Variants in AGAP1 observed in about 807,000 individuals in gnomAD.
AGAP1 encodes ArfGAP with GTPase domain, ankyrin repeat and PH domain 1.
Under a neutral mutation model 105.3 loss-of-function variants are expected in AGAP1, and 29 were observed. The ratio of observed to expected loss-of-function variants is 0.28; its 90% CI spans 0.21 to 0.38. The LOEUF (loss-of-function observed/expected upper bound fraction) is 0.38. AGAP1 is among the 10% of genes least tolerant of loss of function. AGAP1 has a pLI of 1.00. For missense variants in AGAP1, 998 were observed against 1,165.1 expected, an observed-to-expected ratio of 0.86 and a Z score of 2.09; for synonymous variants, 509 against 485.9, an observed-to-expected ratio of 1.05 and a Z score of -0.63.
At position 236,051,182 on chromosome 2, in the gene AGAP1, C is replaced by T. The variant is rs771023277; in HGVS notation, c.2114+1901C>T. Among the ~76,000 whole-genome samples, 3 of 152,228 alleles carry T rather than the reference C, an allele frequency of 2.0e-5. No individual in the cohort carries two copies. Among genetic ancestry groups the T allele is most frequent in the Non-Finnish European group, 4.4e-5 (3 of 68,052 alleles). On this transcript the variant is annotated intron_variant, in intron 16 of 17. Coordinates refer to ENST00000304032, the MANE Select transcript of AGAP1 (RefSeq NM_001037131.3). This position sits in a 1 kb window ranked among gnomAD's most constrained non-coding sequence, Gnocchi z 5.9. ...GGTTCTGTGCTGTTGCTGAAGGTAA[C>T]TGTGGAATTTCTAAGTTCCCTTTGC...
In AGAP1 at chr2:235,901,621, C is replaced by A. The variant is rs2051069951; in HGVS notation, c.1156-7117C>A. 6.6e-6 allele frequency among the ~76,000 whole-genome samples: 1 copy of A among 152,156 alleles called. No homozygotes were observed. Among genetic ancestry groups the A allele is most frequent in the Non-Finnish European group, 1.5e-5 (1 of 68,030 alleles). On this transcript the variant is annotated intron_variant, in intron 10 of 17. Transcript: ENST00000304032. The surrounding 1 kb of genome is among the most constrained non-coding windows in gnomAD (Gnocchi z 4.3). ...ATGGGCCAGGTGTGGTGGCTCACAC[C>A]TGTAATCCCAGCACTTTGGGAGGCC...
Position 235,599,919 on chromosome 2 carries a change from A to C in AGAP1, c.163+105070A>C, listed in dbSNP as rs1276983657. Among the ~76,000 whole-genome samples the C allele has an allele frequency of 6.6e-6, 1 of 152,164 alleles. No individual in the cohort carries two copies. The highest frequency in any genetic ancestry group is 1.5e-5 in the Non-Finnish European group (1 of 68,042). ...GAGGAAAATAATTTCTGAGAAACTGACTCAGGGAAGTGCCTGTGTTCAGGG... is the reference window on the plus strand; with the variant it reads ...GAGGAAAATAATTTCTGAGAAACTGCCTCAGGGAAGTGCCTGTGTTCAGGG... On this transcript the variant is annotated intron_variant, in intron 1 of 17. Coordinates refer to ENST00000304032, the MANE Select transcript of AGAP1 (RefSeq NM_001037131.3). This position sits in a 1 kb window ranked among gnomAD's most constrained non-coding sequence, Gnocchi z 5.3.
In AGAP1 at chr2:235,539,403, G is replaced by A. The variant is rs554516838; in HGVS notation, c.163+44554G>A. 1.2e-4 allele frequency among the ~76,000 whole-genome samples: 19 copies of A among 152,324 alleles called. No homozygotes were observed. In the South Asian group the frequency reaches 3.7e-3, roughly 30 times the overall value. On this transcript the variant is annotated intron_variant, in intron 1 of 17. Transcript: ENST00000304032. ...CGCCCATTTTGAGGGAAGGGAATGG[G>A]CCATGGGTCTCATCCCTGCCTAGCG...
At chr2:235,912,483 G>A (rs1401337428) in intron 11 of AGAP1, among the ~76,000 whole-genome samples, 1 of 152,020 alleles carries the variant, frequency 6.6e-6, no homozygotes, top group Non-Finnish European at 1.5e-5. Flanking sequence ...TGAACTGGAG[G>A]GTTTTCTTTC....
intron 16 of AGAP1, among the ~76,000 whole-genome samples, chr2:236,111,537 A>G (rs2059641894): frequency 6.6e-6 from 1 of 151,846 alleles, no homozygotes; most frequent in Non-Finnish European, 1.5e-5. Context: ...ACTGTGTCTC[A>G]ACACTTGTAA....
In AGAP1 at chr2:236,042,980, G is replaced by C. The variant is rs2057599727; in HGVS notation, c.1891+2139G>C. 6.6e-6 allele frequency among the ~76,000 whole-genome samples: 1 copy of C among 152,204 alleles called. No homozygotes were observed. The highest frequency in any genetic ancestry group is 1.5e-5 in the Non-Finnish European group (1 of 68,050). On this transcript the variant is annotated intron_variant, in intron 15 of 17. Coordinates refer to ENST00000304032, the MANE Select transcript of AGAP1 (RefSeq NM_001037131.3). The surrounding 1 kb of genome is among the most constrained non-coding windows in gnomAD (Gnocchi z 5.6). ...AGGGGAGGAATTGAGGAGCCTGAAGGGTCAAGTCATTTGTCTGAGGTCACA... is the reference window on the plus strand; with the variant it reads ...AGGGGAGGAATTGAGGAGCCTGAAGCGTCAAGTCATTTGTCTGAGGTCACA...
In AGAP1 at chr2:236,104,528, C is replaced by T. The variant is rs941622043; in HGVS notation, c.2115-15664C>T. Among the ~76,000 whole-genome samples the T allele has an allele frequency of 6.6e-6, 1 of 152,234 alleles. No individual in the cohort carries two copies. The highest frequency in any genetic ancestry group is 2.4e-5 in the African/African-American group (1 of 41,460). ...GGCACAGGGCTGTGAGGGTCAGGAC[C>T]ACCATCAGAATCCCTTACAAAGCCA... On this transcript the variant is annotated intron_variant, in intron 16 of 17. Coordinates refer to ENST00000304032, the MANE Select transcript of AGAP1 (RefSeq NM_001037131.3). This position sits in a 1 kb window ranked among gnomAD's most constrained non-coding sequence, Gnocchi z 4.7.
Position 235,663,489 on chromosome 2 carries a change from C to G in AGAP1, c.164-45690C>G, listed in dbSNP as rs1306812641. Among the ~76,000 whole-genome samples the G allele has an allele frequency of 6.6e-6, 1 of 152,154 alleles. No homozygotes were observed. The stretch of plus-strand genomic sequence containing the variant: ...AAGAGTTTTCAGATATCTCTGCAGC[C>G]AAATCCCAAATGGGATGCAGAAGGG... On this transcript the variant is annotated intron_variant, in intron 1 of 17. Transcript: ENST00000304032. This position sits in a 1 kb window ranked among gnomAD's most constrained non-coding sequence, Gnocchi z 5.4.
chr2:235,604,145 A>AT (rs753246883), intron 1 of AGAP1, among the ~76,000 whole-genome samples: 2 of 151,258 alleles, frequency 1.3e-5, no homozygotes, highest in African/African-American at 2.5e-5. Context: ...CAGGAATGGA[A>AT]TTTAAAAAAA....
chr2:235,753,868 T>C lies in AGAP1; in HGVS notation c.673+3380T>C, dbSNP rs1356232988. On this transcript the variant is annotated intron_variant, in intron 6 of 17. Coordinates refer to ENST00000304032, the MANE Select transcript of AGAP1 (RefSeq NM_001037131.3). The surrounding 1 kb of genome is among the most constrained non-coding windows in gnomAD (Gnocchi z 4.5). The stretch of plus-strand genomic sequence containing the variant: ...CTTTGTATATTTTATATCATAGTTA[T>C]ATGGTATATGGTTTCTTATTTGTAT... Among the ~76,000 whole-genome samples, 5 of 152,180 alleles carry C rather than the reference T, an allele frequency of 3.3e-5. No individual in the cohort carries two copies. Among genetic ancestry groups the C allele is most frequent in the South Asian group, 2.1e-4 (1 of 4,838 alleles).
intron 12 of AGAP1, among the ~76,000 whole-genome samples, chr2:235,948,982 C>T (rs1421882022): frequency 6.6e-6 from 1 of 152,232 alleles, no homozygotes; most frequent in African/African-American, 2.4e-5. Context: ...TGAATCACAA[C>T]TTACAGTTTA....
intron 1 of AGAP1, among the ~76,000 whole-genome samples, chr2:235,502,341 T>G (rs955038466): frequency 1.3e-5 from 2 of 152,046 alleles, no homozygotes; most frequent in Non-Finnish European, 2.9e-5. Flanking sequence ...GTGTGCGAGG[T>G]TGGGACATTT....
Position 236,121,882 on chromosome 2 carries a change from C to T in AGAP1, c.2370+1435C>T, listed in dbSNP as rs560182255. On this transcript the variant is annotated intron_variant, in intron 17 of 17. Coordinates refer to ENST00000304032, the MANE Select transcript of AGAP1 (RefSeq NM_001037131.3). This position sits in a 1 kb window ranked among gnomAD's most constrained non-coding sequence, Gnocchi z 4.9. ...CGAGGCCTCTCTCACGGCTGGTAGACGGCCGCCCTCTCCCTATGTTCTCAC... is the reference window on the plus strand; with the variant it reads ...CGAGGCCTCTCTCACGGCTGGTAGATGGCCGCCCTCTCCCTATGTTCTCAC... Among the ~76,000 whole-genome samples, 4 of 152,284 alleles carry T rather than the reference C, an allele frequency of 2.6e-5. No homozygotes were observed. Among genetic ancestry groups the T allele is most frequent in the Non-Finnish European group, 2.9e-5 (2 of 68,030 alleles).
At chr2:235,852,671 C>T (rs1371398079) in intron 9 of AGAP1, 3 of 1,439,700 alleles carry the variant, frequency 2.1e-6, no homozygotes, top group Admixed American at 3.0e-5. Flanking sequence ...TTTTTTATCT[C>T]CTTTCTCTCC....
chr2:235,869,596 G>A (rs765527696), intron 9 of AGAP1, among the ~76,000 whole-genome samples: 35 of 152,222 alleles, frequency 2.3e-4, no homozygotes, highest in South Asian at 4.2e-4. Flanking sequence ...GCGAGACTCC[G>A]TCTCAAAAAT....
chr2:235,663,444 A>G lies in AGAP1; in HGVS notation c.164-45735A>G, dbSNP rs1190884461. On this transcript the variant is annotated intron_variant, in intron 1 of 17. Coordinates refer to ENST00000304032, the MANE Select transcript of AGAP1 (RefSeq NM_001037131.3). This position sits in a 1 kb window ranked among gnomAD's most constrained non-coding sequence, Gnocchi z 5.4. ...AGGAAAAATATACATCAAATATTCA[A>G]GTCCCCTGGGCACAGATAAAAGAGT... 6.6e-6 allele frequency among the ~76,000 whole-genome samples: 1 copy of G among 152,202 alleles called. No homozygotes were observed. Among genetic ancestry groups the G allele is most frequent in the Non-Finnish European group, 1.5e-5 (1 of 68,036 alleles).
chr2:235,968,460 A>G lies in AGAP1; in HGVS notation c.1484-2A>G. On this transcript the variant is annotated splice_acceptor_variant, in intron 12 of 17. Transcript: ENST00000304032. LOFTEE classifies it high-confidence loss of function. The stretch of plus-strand genomic sequence containing the variant: ...TTTTTGCCTTTTCCGGTCCAATGGC[A>G]GACACAGGGCTGGGTGACTCCGTAT... The G allele has an allele frequency of 6.5e-7, 1 of 1,539,062 alleles. No individual in the cohort carries two copies. The highest frequency in any genetic ancestry group is 8.7e-7 in the Non-Finnish European group (1 of 1,151,410).
At chr2:235,670,309 GGAGGAGGCC>G (rs952732939) in intron 1 of AGAP1, 19 of 465,148 alleles carry the variant, frequency 4.1e-5, no homozygotes, top group African/African-American at 8.2e-5. Flanking sequence ...GGAGGCTTGA[GGAGGAGGCC>G]GAGGAGGCGG....
chr2:236,019,968 C>T (rs1465723250), intron 13 of AGAP1, among the ~76,000 whole-genome samples: 1 of 152,204 alleles, frequency 6.6e-6, no homozygotes. Flanking sequence ...TCTCCAGGCT[C>T]AGATGGGTTC....
Sources: allele counts gnomAD v4.1 joint callset (sites outside exome capture counted in the v4.1 genomes callset), GRCh38; gene constraint gnomAD v4.1.1; non-coding constraint Gnocchi (gnomAD v3.1); transcripts MANE v1.5; gene names NCBI Gene and HGNC (gene_info 2026-07-23, HGNC 2026-07-21).